Variants in SIPA1L3 observed in about 807,000 individuals in gnomAD.
SIPA1L3 encodes signal-induced proliferation-associated 1-like protein 3.
SIPA1L3 carries 59 observed loss-of-function variants against 150.1 expected under a neutral mutation model. The ratio of observed to expected loss-of-function variants is 0.39; its 90% CI spans 0.32 to 0.49. The LOEUF is 0.49. Ranked by LOEUF, SIPA1L3 falls within the 20% of genes least tolerant of loss-of-function variation. The pLI, the probability that SIPA1L3 is intolerant of heterozygous loss-of-function variation, is 0.86. For synonymous variants in SIPA1L3, 1,070 were observed against 1,077.6 expected (o/e 0.99, Z 0.14); for missense variants, 2,211 against 2,489.5 (o/e 0.89, Z 2.38).
chr19:38,138,257 A>C (rs985283949), intron 10 of SIPA1L3, among the ~76,000 whole-genome samples: 2 of 152,242 alleles, frequency 1.3e-5, no homozygotes, highest in Non-Finnish European at 2.9e-5. Flanking sequence ...TGGGCTTTGG[A>C]GTCAACGTGC....
rs184170929 is a variant in SIPA1L3, at chr19:38,016,940, A to C, written c.-378-12149A>C. Among the ~76,000 whole-genome samples the C allele has an allele frequency of 4.2e-3, 475 of 112,798 alleles. 2 individuals are homozygous for C. The highest frequency in any genetic ancestry group is 0.016 in the African/African-American group (458 of 28,494). 74.0% of individuals were successfully genotyped at this position (112,798 alleles called of 152,430 possible). Reference sequence around the variant, plus strand: ...GAGACTGAGTCTCACTCTGTCACCCAGGCTGGAGTGCAGTGGCGTGATCTC... The same window carrying C: ...GAGACTGAGTCTCACTCTGTCACCCCGGCTGGAGTGCAGTGGCGTGATCTC... On this transcript the variant is annotated intron_variant, in intron 1 of 21. Coordinates refer to ENST00000222345, the MANE Select transcript of SIPA1L3 (RefSeq NM_015073.3).
At chr19:38,106,437 G>C (rs529401123) in intron 6 of SIPA1L3, 100 bp from the exon 7 acceptor site, 2 of 814,406 alleles carry the variant, frequency 2.5e-6, no homozygotes, top group African/African-American at 3.4e-5. Flanking sequence ...GTAGATTGAA[G>C]TGAAAGCACC....
At chr19:37,913,799 G>A (rs1411570023) in intron 1 of SIPA1L3, among the ~76,000 whole-genome samples, 1 of 150,776 alleles carries the variant, frequency 6.6e-6, no homozygotes, top group Non-Finnish European at 1.5e-5. Context: ...GGCAGATCAC[G>A]AGGTCAGGAG....
chr19:38,162,502 T>C, intron 14 of SIPA1L3, 131 bp downstream of exon 14: 1 of 707,626 alleles, frequency 1.4e-6, no homozygotes, highest in Non-Finnish European at 2.5e-6. Context: ...ATACTTGGTC[T>C]GAGTTGGAAC....
intron 1 of SIPA1L3, among the ~76,000 whole-genome samples, chr19:37,937,735 C>G (rs1409794453): frequency 4.0e-5 from 1 of 24,778 alleles, no homozygotes; most frequent in Non-Finnish European, 7.3e-5. Context: ...GAGTGAAACC[C>G]TGTCTCAAAA....
rs555839535 is a variant in SIPA1L3, at chr19:38,083,105, G to A, written c.1534+6G>A. 4.4e-6 allele frequency: 7 copies of A among 1,603,460 alleles called. No homozygotes were observed. The highest frequency in any genetic ancestry group is 3.3e-5 in the South Asian group (3 of 90,862). ...GGATTACTTCGTGGGCAAAGGTGAC[G>A]GATGGCGTGTGGGTGGGAAGGTTGG... On this transcript the variant is annotated splice_donor_region_variant and intron_variant, in intron 3 of 21. Coordinates refer to ENST00000222345, the MANE Select transcript of SIPA1L3 (RefSeq NM_015073.3).
At chr19:37,986,059 G>T (rs1416356771) in intron 1 of SIPA1L3, among the ~76,000 whole-genome samples, 2 of 152,236 alleles carry the variant, frequency 1.3e-5, no homozygotes, top group East Asian at 3.8e-4. Flanking sequence ...CCAGAAAGCA[G>T]CCAAGCCAGA....
At chr19:38,078,403 A>C (rs1969895310) in intron 2 of SIPA1L3, among the ~76,000 whole-genome samples, 1 of 151,188 alleles carries the variant, frequency 6.6e-6, no homozygotes, top group Non-Finnish European at 1.5e-5. Flanking sequence ...ACTGGGCATA[A>C]ATTAGGAAAA....
At chr19:37,930,264 G>A (rs955357388) in intron 1 of SIPA1L3, among the ~76,000 whole-genome samples, 2 of 151,296 alleles carry the variant, frequency 1.3e-5, no homozygotes, top group Non-Finnish European at 2.9e-5. Flanking sequence ...CTCCCACCTT[G>A]GCCTCCCAAA....
intron 15 of SIPA1L3, among the ~76,000 whole-genome samples, chr19:38,178,526 A>T (rs564727174): frequency 2.4e-3 from 365 of 152,194 alleles, no homozygotes; most frequent in Non-Finnish European, 4.3e-3. Context: ...CCCAGGCTGG[A>T]GTGCAATGGT....
At chr19:38,206,012 A>G (rs1973201591) in intron 21 of SIPA1L3, 85 bp from the exon 22 acceptor site, 2 of 1,416,010 alleles carry the variant, frequency 1.4e-6, no homozygotes, top group African/African-American at 2.9e-5. Flanking sequence ...CAGCCGGGCC[A>G]GGGCTCACAG....
intron 1 of SIPA1L3, among the ~76,000 whole-genome samples, chr19:38,014,923 C>T (rs2145687844): frequency 6.6e-6 from 1 of 152,276 alleles, no homozygotes; most frequent in South Asian, 2.1e-4. Context: ...CCCACCTCGG[C>T]CTCCCAAAGT....
rs112784977 is a variant in SIPA1L3, at chr19:38,171,886, A to G, written c.4208+6980A>G. 5.9e-3 allele frequency among the ~76,000 whole-genome samples: 903 copies of G among 152,226 alleles called. 7 individuals carry two copies. The highest frequency in any genetic ancestry group is 0.02 in the African/African-American group (851 of 41,544). On this transcript the variant is annotated intron_variant, in intron 15 of 21. Transcript: ENST00000222345. The stretch of plus-strand genomic sequence containing the variant: ...TCAATCACTCCATCCTGGGTGACAG[A>G]GCAAGGCCCTGGAGGTAGGTAGGTA...
intron 10 of SIPA1L3, among the ~76,000 whole-genome samples, chr19:38,138,909 A>AT (rs200804898): frequency 6.9e-6 from 1 of 144,994 alleles, no homozygotes. Context: ...AAAAAAAAAA[A>AT]AAAAAACTGA....
intron 1 of SIPA1L3, among the ~76,000 whole-genome samples, chr19:37,936,320 A>T (rs2046599923): frequency 6.6e-6 from 1 of 152,192 alleles, no homozygotes; most frequent in South Asian, 2.1e-4. Context: ...CCAGCACTCC[A>T]TCCAGACAGC....
At chr19:38,177,743 C>T (rs1046284625) in intron 15 of SIPA1L3, among the ~76,000 whole-genome samples, 1 of 149,764 alleles carries the variant, frequency 6.7e-6, no homozygotes, top group African/African-American at 2.5e-5. Flanking sequence ...GATATGCTTG[C>T]GGCAGGGCGC....
chr19:37,942,376 G>A (rs753447616), intron 1 of SIPA1L3, among the ~76,000 whole-genome samples: 27 of 151,942 alleles, frequency 1.8e-4, no homozygotes, highest in Non-Finnish European at 2.6e-4. Flanking sequence ...CCTCCTCGGG[G>A]TGGTGACATG....
chr19:37,915,228 A>G (rs1296954269), intron 1 of SIPA1L3, among the ~76,000 whole-genome samples: 4 of 152,180 alleles, frequency 2.6e-5, no homozygotes, highest in African/African-American at 4.8e-5. Flanking sequence ...GAGCCTGTCA[A>G]GTAAAACAAG....
At chr19:38,069,550 G>C (rs1326532752) in intron 2 of SIPA1L3, among the ~76,000 whole-genome samples, 2 of 152,172 alleles carry the variant, frequency 1.3e-5, no homozygotes, top group Non-Finnish European at 2.9e-5. Flanking sequence ...ACCTAAGACT[G>C]CACAGTAGAA....
Sources: gnomAD v4.1 joint callset for allele counts (sites outside exome capture counted in the v4.1 genomes callset) on GRCh38, gnomAD v4.1.1 for gene constraint, MANE v1.5 for transcripts, NCBI Gene and HGNC (gene_info 2026-07-23, HGNC 2026-07-21) for gene names.